Variants in GSE1 observed in about 807,000 individuals in gnomAD.
GSE1 encodes the protein Gse1 coiled-coil protein.
In GSE1, 32 loss-of-function variants were observed where a neutral mutation model predicts 112.6. The ratio of observed to expected loss-of-function variants is 0.28; its 90% CI spans 0.21 to 0.38. The LOEUF is 0.38. Among genes scored for constraint, GSE1 ranks in the 10% least tolerant of loss-of-function variants. GSE1 has a pLI of 1.00. For missense variants in GSE1, 2,348 were observed against 1,699.2 expected, an observed-to-expected ratio of 1.38 and a Z score of -6.71; for synonymous variants, 1,115 against 735.6, an observed-to-expected ratio of 1.52 and a Z score of -8.35.
At chr16:85,453,126 G>A (rs186627901) in intron 2 of GSE1, among the ~76,000 whole-genome samples, 364 of 152,336 alleles carry the variant, frequency 2.4e-3, no homozygotes, top group Admixed American at 4.8e-3. Flanking sequence ...ATGGGGGCAG[G>A]GGGTTAGCAA....
chr16:85,453,895 G>A (rs935563470), intron 2 of GSE1, among the ~76,000 whole-genome samples: 2 of 152,188 alleles, frequency 1.3e-5, no homozygotes, highest in African/African-American at 4.8e-5. Context: ...AGCAAGGGCT[G>A]GATGAGCTCC....
chr16:85,525,510 G>A (rs1045733137), intron 2 of GSE1, among the ~76,000 whole-genome samples: 4 of 152,234 alleles, frequency 2.6e-5, no homozygotes, highest in African/African-American at 9.6e-5. Flanking sequence ...ATGATGCCCA[G>A]CCAGCCGGCA....
intron 2 of GSE1, among the ~76,000 whole-genome samples, chr16:85,485,844 T>C (rs1597914645): frequency 6.6e-6 from 1 of 152,110 alleles, no homozygotes; most frequent in African/African-American, 2.4e-5. Flanking sequence ...GGGCCCCAGG[T>C]AGGAGCTGGG....
chr16:85,492,254 G>T (rs1299918316), intron 2 of GSE1, among the ~76,000 whole-genome samples: 1 of 152,174 alleles, frequency 6.6e-6, no homozygotes. Flanking sequence ...GCACTGGCTG[G>T]GAGCCGCCCC....
intron 2 of GSE1, among the ~76,000 whole-genome samples, chr16:85,495,203 G>C (rs1173498935): frequency 6.6e-6 from 1 of 152,178 alleles, no homozygotes; most frequent in African/African-American, 2.4e-5. Flanking sequence ...CCAAGGTTGG[G>C]GTCCCTGAAA....
intron 1 of GSE1, among the ~76,000 whole-genome samples, chr16:85,198,413 G>C (rs954658981): frequency 2.6e-5 from 4 of 152,194 alleles, no homozygotes; most frequent in Admixed American, 2.6e-4. Flanking sequence ...TGGACAGGGT[G>C]GGGGTGCCTA....
chr16:85,368,176 G>A (rs545745619), intron 2 of GSE1, among the ~76,000 whole-genome samples: 90 of 152,262 alleles, frequency 5.9e-4, no homozygotes, highest in African/African-American at 2.1e-3. Flanking sequence ...CGGAGGGTGC[G>A]CGTCTTCCCG....
intron 2 of GSE1, among the ~76,000 whole-genome samples, chr16:85,483,667 C>T (rs148013237): frequency 9.2e-5 from 14 of 152,402 alleles, no homozygotes; most frequent in South Asian, 8.3e-4. Flanking sequence ...CCTGGCCGCA[C>T]ACCTGAGAAC....
chr16:85,479,312 G>C (rs930241716), intron 2 of GSE1, among the ~76,000 whole-genome samples: 1 of 150,192 alleles, frequency 6.7e-6, no homozygotes, highest in Non-Finnish European at 1.5e-5. Flanking sequence ...GATTACAGGC[G>C]TGAGCCACTG....
At chr16:85,320,832 CTTGCTA>C (rs1263224932) in intron 1 of GSE1, among the ~76,000 whole-genome samples, 13 of 152,160 alleles carry the variant, frequency 8.5e-5, no homozygotes, top group Admixed American at 8.5e-4. Context: ...GCACTGCCTT[CTTGCTA>C]TTGCTCCACA....
chr16:85,469,121 T>C (rs1235856950), intron 2 of GSE1, among the ~76,000 whole-genome samples: 3 of 151,924 alleles, frequency 2.0e-5, no homozygotes, highest in Non-Finnish European at 4.4e-5. Flanking sequence ...CTGGGTGTGG[T>C]GACACGGGCC....
chr16:85,277,196 T>C (rs115189164), intron 1 of GSE1, among the ~76,000 whole-genome samples: 3,583 of 151,136 alleles, frequency 0.024, 100 homozygotes, highest in African/African-American at 0.07. Flanking sequence ...GCAGGTGAGG[T>C]GGCGGTGGGG....
intron 1 of GSE1, among the ~76,000 whole-genome samples, chr16:85,258,804 T>C (rs1664126213): frequency 6.6e-6 from 1 of 152,196 alleles, no homozygotes; most frequent in African/African-American, 2.4e-5. Flanking sequence ...CTGTGGCGGT[T>C]TAGCCTCTGC....
At chr16:85,215,755 G>T (rs931215524) in intron 1 of GSE1, among the ~76,000 whole-genome samples, 1 of 152,042 alleles carries the variant, frequency 6.6e-6, no homozygotes, top group Non-Finnish European at 1.5e-5. Flanking sequence ...CACACATTCT[G>T]GGGGGGTGTG....
chr16:85,597,932 C>G (rs776662953), intron 1 of GSE1, among the ~76,000 whole-genome samples: 14 of 152,126 alleles, frequency 9.2e-5, no homozygotes, highest in Non-Finnish European at 2.1e-4. Flanking sequence ...ACCTTTCTTA[C>G]GGGTAGAGAT....
chr16:85,610,505 AG>A (rs1277223059), upstream of GSE1, among the ~76,000 whole-genome samples: 6 of 152,336 alleles, frequency 3.9e-5, no homozygotes, highest in East Asian at 1.2e-3. Flanking sequence ...GTTAGCGAGG[AG>A]CGCGCCGGCT....
chr16:85,663,325 GT>G lies in GSE1; in HGVS notation c.2374-15del. The G allele has an allele frequency of 1.2e-6, 2 of 1,612,888 alleles. No homozygotes were observed. The highest frequency in any genetic ancestry group is 1.7e-5 in the Admixed American group (1 of 59,946). ...ACTGCCAGTGGCTTCAAACTCATTT[GT>G]TTTCTTTCCCAATCTAGAAGCTAGA... On this transcript the variant is annotated intron_variant, in intron 10 of 15. Transcript: ENST00000253458.
intron 1 of GSE1, among the ~76,000 whole-genome samples, chr16:85,271,016 C>G (rs1200613299): frequency 6.6e-6 from 1 of 152,196 alleles, no homozygotes; most frequent in Non-Finnish European, 1.5e-5. Flanking sequence ...AGAGCGAATG[C>G]CATCAGGCCC....
intron 1 of GSE1, among the ~76,000 whole-genome samples, chr16:85,341,383 C>T (rs541748597): frequency 9.2e-5 from 14 of 152,262 alleles, no homozygotes; most frequent in African/African-American, 2.9e-4. Context: ...AGAGGCCAGG[C>T]GTAGTGGCTT....
Sources: gnomAD v4.1 joint callset for allele counts (sites outside exome capture counted in the v4.1 genomes callset) on GRCh38, gnomAD v4.1.1 for gene constraint, MANE v1.5 for transcripts, NCBI Gene and HGNC (gene_info 2026-07-23, HGNC 2026-07-21) for gene names.